EGFR: variants seen among roughly 807,000 people sequenced by gnomAD.
EGFR encodes epidermal growth factor receptor, also known as avian erythroblastic leukemia viral (v-erb-b) oncogene homolog.
EGFR carries 58 observed loss-of-function variants against 143.0 expected under a neutral mutation model. The observed-to-expected ratio is 0.41, with a 90% CI of 0.33 to 0.50. EGFR has a LOEUF of 0.50. Among genes scored for constraint, EGFR ranks in the 20% least tolerant of loss-of-function variants. The pLI is 0.39. For synonymous variants in EGFR, 613 were observed against 594.4 expected, an observed-to-expected ratio of 1.03 and a Z score of -0.45; for missense variants, 1,307 against 1,579.0, an observed-to-expected ratio of 0.83 and a Z score of 2.92.
chr7:55,074,818 T>C (rs1790044169), intron 1 of EGFR, among the ~76,000 whole-genome samples: 1 of 152,252 alleles, frequency 6.6e-6, no homozygotes, highest in African/African-American at 2.4e-5. Flanking sequence ...TAACCTGTCA[T>C]TCTAATTACC....
chr7:55,174,666 C>A, intron 18 of EGFR, 56 bp from the exon 19 acceptor site: 2 of 1,400,856 alleles, frequency 1.4e-6, no homozygotes, highest in Non-Finnish European at 2.0e-6. Context: ...CACTGGGCAG[C>A]ATGTGGCACC....
chr7:55,059,489 G>T (rs112850002), intron 1 of EGFR, among the ~76,000 whole-genome samples: 4,340 of 151,928 alleles, frequency 0.029, 97 homozygotes, highest in South Asian at 0.073. Flanking sequence ...AAAGCCCACA[G>T]GTTGCGTTAG....
At chr7:55,107,370 G>A (rs560138544) in intron 1 of EGFR, among the ~76,000 whole-genome samples, 13 of 152,230 alleles carry the variant, frequency 8.5e-5, no homozygotes, top group African/African-American at 3.1e-4. Flanking sequence ...GTTATTTGAT[G>A]TTATTTGATG....
intron 1 of EGFR, among the ~76,000 whole-genome samples, chr7:55,024,665 G>C (rs1562647576): frequency 6.6e-6 from 1 of 152,154 alleles, no homozygotes; most frequent in Non-Finnish European, 1.5e-5. Flanking sequence ...GCAAGTATTG[G>C]TACCTGTTAC....
intron 1 of EGFR, among the ~76,000 whole-genome samples, chr7:55,020,992 C>T (rs1169941709): frequency 2.6e-5 from 4 of 151,882 alleles, no homozygotes; most frequent in Admixed American, 2.6e-4. Flanking sequence ...TTTTAATGCT[C>T]TTCATGTGAT....
At chr7:55,123,912 A>G (rs896667740) in intron 1 of EGFR, among the ~76,000 whole-genome samples, 1 of 152,006 alleles carries the variant, frequency 6.6e-6, no homozygotes, top group Non-Finnish European at 1.5e-5. Flanking sequence ...TGTGTGTGCA[A>G]GTAAGTGTGT....
intron 18 of EGFR, among the ~76,000 whole-genome samples, 160 bp from the exon 19 acceptor site, chr7:55,174,562 G>A (rs745804604): frequency 4.5e-4 from 69 of 152,312 alleles, no homozygotes; most frequent in Non-Finnish European, 8.1e-4. Flanking sequence ...CTGCGGGGGC[G>A]TCACAGCCCC....
rs1185688669 is a variant in EGFR at position 55,200,416 on chromosome 7, A to C, written c.2946+3A>C. On this transcript the variant is annotated splice_donor_region_variant and intron_variant, in intron 24 of 27. Coordinates refer to ENST00000275493, the MANE Select transcript of EGFR (RefSeq NM_005228.5). The stretch of plus-strand genomic sequence containing the variant: ...CCCAGCGCTACCTTGTCATTCAGGT[A>C]CAAATTGCAGTCTGTGCTTCCATTG... 1 of 1,613,714 alleles carries C rather than the reference A, an allele frequency of 6.2e-7. No individual in the cohort carries two copies. Among genetic ancestry groups the C allele is most frequent in the Non-Finnish European group, 8.5e-7 (1 of 1,179,608 alleles).
intron 6 of EGFR, among the ~76,000 whole-genome samples, chr7:55,153,463 C>G (rs1341005219): frequency 1.3e-5 from 2 of 152,180 alleles, no homozygotes; most frequent in Non-Finnish European, 2.9e-5. Flanking sequence ...AGTTTGGACC[C>G]AGACCCAGGA....
intron 1 of EGFR, among the ~76,000 whole-genome samples, chr7:55,063,338 C>A (rs1406416091): frequency 6.6e-6 from 1 of 152,050 alleles, no homozygotes; most frequent in African/African-American, 2.4e-5. Flanking sequence ...GGTTCAGGCT[C>A]TTATTTTACT....
chr7:55,037,539 C>T (rs1362023926), intron 1 of EGFR, among the ~76,000 whole-genome samples: 1 of 152,202 alleles, frequency 6.6e-6, no homozygotes, highest in Non-Finnish European at 1.5e-5. Flanking sequence ...CATTTGAATA[C>T]TTGTGTGAGG....
chr7:55,103,683 C>T (rs1791955990), intron 1 of EGFR, among the ~76,000 whole-genome samples: 1 of 152,134 alleles, frequency 6.6e-6, no homozygotes, highest in Non-Finnish European at 1.5e-5. Flanking sequence ...TTGGATGGTC[C>T]ACATTGGGCC....
At chr7:55,074,327 G>GT (rs1180519180) in intron 1 of EGFR, among the ~76,000 whole-genome samples, 1 of 152,212 alleles carries the variant, frequency 6.6e-6, no homozygotes, top group African/African-American at 2.4e-5. Context: ...TTCCCTCCTG[G>GT]TTGAGCAGCA....
At chr7:55,158,301 T>TA (rs2128940203) in intron 11 of EGFR, among the ~76,000 whole-genome samples, 1 of 152,308 alleles carries the variant, frequency 6.6e-6, no homozygotes, top group Admixed American at 6.5e-5. Flanking sequence ...ATGGTAATGG[T>TA]AATCATCAGT....
rs752447987 is a variant in EGFR at position 55,032,850 on chromosome 7, G to T, written c.88+13485G>T. 3.3e-5 allele frequency among the ~76,000 whole-genome samples: 5 copies of T among 152,146 alleles called. No homozygotes were observed. In the East Asian group the frequency reaches 9.6e-4, roughly 29 times the overall value. ...AGTTTCTTGACTCAGAGAGGGAAAA[G>T]GGATACTCAGGGCACTTTTTCAGCC... On this transcript the variant is annotated intron_variant, in intron 1 of 27. Transcript: ENST00000275493.
At chr7:55,119,704 T>C (rs1793083062) in intron 1 of EGFR, among the ~76,000 whole-genome samples, 1 of 152,346 alleles carries the variant, frequency 6.6e-6, no homozygotes, top group East Asian at 1.9e-4. Flanking sequence ...GGTCCTATGC[T>C]TTTGTCTTCC....
At chr7:55,099,918 T>C (rs1791702817) in intron 1 of EGFR, among the ~76,000 whole-genome samples, 1 of 152,196 alleles carries the variant, frequency 6.6e-6, no homozygotes, top group Non-Finnish European at 1.5e-5. Flanking sequence ...ATTTGAAATC[T>C]GAGACAGAAC....
chr7:55,090,646 T>C (rs1791055555), intron 1 of EGFR, among the ~76,000 whole-genome samples: 1 of 152,208 alleles, frequency 6.6e-6, no homozygotes, highest in African/African-American at 2.4e-5. Context: ...TAAACCCTGA[T>C]TGAAAATCAG....
In EGFR at chr7:55,019,261, C is replaced by T. The variant is rs1238628425; in HGVS notation, c.-17C>T. The T allele has an allele frequency of 8.1e-6, 12 of 1,484,510 alleles. No homozygotes were observed. The highest frequency in any genetic ancestry group is 1.1e-5 in the Non-Finnish European group (12 of 1,110,846). 92.0% of individuals were successfully genotyped at this position (1,484,510 alleles called of 1,614,324 possible). A position where few individuals can be genotyped will look rare whatever the true frequency, so the allele number is the denominator to read the frequency against. Reference sequence around the variant, plus strand: ...TATTGATCGGGAGAGCCGGAGCGAGCTCTTCGGGGAGCAGCGATGCGACCC... The same window carrying T: ...TATTGATCGGGAGAGCCGGAGCGAGTTCTTCGGGGAGCAGCGATGCGACCC... On this transcript the variant is annotated 5_prime_UTR_variant, in exon 1 of 28. Coordinates refer to ENST00000275493, the MANE Select transcript of EGFR (RefSeq NM_005228.5).
Sources: allele counts gnomAD v4.1 joint callset (sites outside exome capture counted in the v4.1 genomes callset), GRCh38; gene constraint gnomAD v4.1.1; transcripts MANE v1.5; gene names NCBI Gene and HGNC (gene_info 2026-07-23, HGNC 2026-07-21).